Variants in BANK1 observed in about 807,000 individuals in gnomAD.
The protein encoded by BANK1 is B cell scaffold protein with ankyrin repeats 1.
A neutral mutation model predicts 94.5 loss-of-function variants in BANK1; 95 were observed. That is an observed-to-expected ratio of 1.00 (90% CI 0.85 to 1.19). BANK1 has a LOEUF of 1.19. Ranked by LOEUF, BANK1 falls within the 50% of genes most tolerant of loss-of-function variation. BANK1 has a pLI of 0.00. For missense variants in BANK1, 987 were observed against 932.2 expected, an observed-to-expected ratio of 1.06 and a Z score of -0.77; for synonymous variants, 334 against 308.4, an observed-to-expected ratio of 1.08 and a Z score of -0.87.
intron 5 of BANK1, among the ~76,000 whole-genome samples, chr4:101,890,211 T>C (rs1384681248): frequency 6.6e-6 from 1 of 152,074 alleles, no homozygotes; most frequent in African/African-American, 2.4e-5. Context: ...TGTGTTTGAA[T>C]TTTTTTATTT....
At chr4:101,910,034 T>G (rs930758727) in intron 6 of BANK1, among the ~76,000 whole-genome samples, 10 of 152,214 alleles carry the variant, frequency 6.6e-5, no homozygotes, top group African/African-American at 2.4e-4. Flanking sequence ...CCAATTTTCT[T>G]GTCTATCCAC....
chr4:101,855,279 A>T (rs1727640682), intron 3 of BANK1, 90 bp downstream of exon 3: 1 of 1,318,366 alleles, frequency 7.6e-7, no homozygotes, highest in Admixed American at 2.2e-5. Context: ...GGGTCTCATT[A>T]GGTTGCCCAG....
intron 1 of BANK1, among the ~76,000 whole-genome samples, chr4:101,804,095 T>C (rs1159027202): frequency 6.6e-6 from 1 of 151,740 alleles, no homozygotes; most frequent in Non-Finnish European, 1.5e-5. Context: ...ACTAGTCTGT[T>C]TTATTATTTA....
intron 7 of BANK1, among the ~76,000 whole-genome samples, chr4:101,944,022 T>TTGTGTGTGTG (rs70937503): frequency 6.8e-6 from 1 of 148,142 alleles, no homozygotes; most frequent in Admixed American, 6.8e-5. Context: ...GTGTGTGTGT[T>TTGTGTGTGTG]TGTGTGTGTG....
intron 5 of BANK1, among the ~76,000 whole-genome samples, chr4:101,877,821 G>T (rs1728547033): frequency 6.6e-6 from 1 of 152,018 alleles, no homozygotes; most frequent in African/African-American, 2.4e-5. Flanking sequence ...GGAGGCAGAG[G>T]TTGCAGTGAG....
At chr4:101,816,921 T>A (rs1002984187) in intron 1 of BANK1, among the ~76,000 whole-genome samples, 2 of 152,152 alleles carry the variant, frequency 1.3e-5, no homozygotes, top group Non-Finnish European at 2.9e-5. Context: ...AACGGAAGAA[T>A]AAGGAATGGT....
chr4:102,065,362 GCTTT>G (rs1282055628), intron 13 of BANK1, among the ~76,000 whole-genome samples: 1 of 152,046 alleles, frequency 6.6e-6, no homozygotes, highest in Non-Finnish European at 1.5e-5. Flanking sequence ...AACACCTTGG[GCTTT>G]CTATCACAAA....
chr4:102,010,109 C>CA (rs971832948), intron 7 of BANK1, among the ~76,000 whole-genome samples: 19 of 151,642 alleles, frequency 1.3e-4, no homozygotes, highest in Admixed American at 2.6e-4. Flanking sequence ...ACTAAAAATA[C>CA]AAAAAATTAG....
chr4:102,012,536 A>G (rs564280771), intron 7 of BANK1, among the ~76,000 whole-genome samples: 62 of 152,324 alleles, frequency 4.1e-4, no homozygotes, highest in African/African-American at 1.5e-3. Flanking sequence ...TCTGATAGTA[A>G]TAATAGAAAC....
chr4:102,032,127 C>A (rs903033944), intron 10 of BANK1: 1 of 152,096 alleles, frequency 6.6e-6, no homozygotes, highest in African/African-American at 2.4e-5. Context: ...TTGCTAAATA[C>A]CAGTAAATAC....
intron 7 of BANK1, among the ~76,000 whole-genome samples, chr4:101,996,792 C>G (rs1295159513): frequency 6.6e-6 from 1 of 152,156 alleles, no homozygotes; most frequent in African/African-American, 2.4e-5. Flanking sequence ...TATCCTGACA[C>G]TTTACTAAGT....
At chr4:102,020,108 G>A (rs936165263) in intron 7 of BANK1, among the ~76,000 whole-genome samples, 2 of 152,000 alleles carry the variant, frequency 1.3e-5, no homozygotes, top group Non-Finnish European at 2.9e-5. Flanking sequence ...GCCCAAGCTT[G>A]TGAATAATAT....
At chr4:101,807,436 A>G (rs1358664253) in intron 1 of BANK1, among the ~76,000 whole-genome samples, 2 of 152,164 alleles carry the variant, frequency 1.3e-5, no homozygotes, top group Non-Finnish European at 2.9e-5. Context: ...ATTCATGAGG[A>G]ACCAGAGCTC....
chr4:101,878,991 C>CAA (rs34061204), intron 5 of BANK1, among the ~76,000 whole-genome samples: 192 of 148,866 alleles, frequency 1.3e-3, no homozygotes, highest in African/African-American at 3.8e-3. Context: ...GTGCCTATGT[C>CAA]AAAAAAAAAG....
intron 7 of BANK1, among the ~76,000 whole-genome samples, chr4:102,013,586 A>G (rs554442321): frequency 1.2e-4 from 19 of 152,178 alleles, no homozygotes; most frequent in African/African-American, 4.3e-4. Flanking sequence ...AATTTCTGCT[A>G]GTTCAAATGG....
chr4:102,052,782 G>A (rs1403501285), intron 11 of BANK1, among the ~76,000 whole-genome samples: 1 of 152,120 alleles, frequency 6.6e-6, no homozygotes, highest in African/African-American at 2.4e-5. Context: ...GCAACAAAAT[G>A]CAGGGGCCAA....
intron 7 of BANK1, among the ~76,000 whole-genome samples, chr4:101,923,361 A>ATG (rs1170349593): frequency 2.6e-5 from 4 of 151,732 alleles, no homozygotes; most frequent in African/African-American, 9.7e-5. Flanking sequence ...CTATATATAT[A>ATG]TATGTGTGTG....
chr4:101,954,571 GA>G (rs1255170949), intron 7 of BANK1, among the ~76,000 whole-genome samples: 1 of 152,026 alleles, frequency 6.6e-6, no homozygotes, highest in Non-Finnish European at 1.5e-5. Context: ...TGAGGGAAGA[GA>G]CATGACAAGC....
In BANK1 at chr4:102,067,598, T is replaced by C. The variant is rs149913035; in HGVS notation, c.2213-3677T>C. Among the ~76,000 whole-genome samples, 880 of 152,040 alleles carry C rather than the reference T, an allele frequency of 5.8e-3. 11 individuals are homozygous for C. Among genetic ancestry groups the C allele is most frequent in the African/African-American group, 0.02 (819 of 41,532 alleles). On this transcript the variant is annotated intron_variant, in intron 13 of 16. Coordinates refer to ENST00000322953, the MANE Select transcript of BANK1 (RefSeq NM_017935.5). ...ATATTACATACAGATAAAAAGGCAG[T>C]TCACTAGAAAGATAGAGCGATTCTA...
Sources: allele counts gnomAD v4.1 joint callset (sites outside exome capture counted in the v4.1 genomes callset), GRCh38; gene constraint gnomAD v4.1.1; transcripts MANE v1.5; gene names NCBI Gene and HGNC (gene_info 2026-07-23, HGNC 2026-07-21).